The following SLC2A9 variants were observed in gnomAD, a reference collection of about 807,000 sequenced individuals.
SLC2A9 encodes the protein solute carrier family 2 member 9.
A neutral mutation model predicts 50.6 loss-of-function variants in SLC2A9; 39 were observed. The observed-to-expected ratio is 0.77, with a 90% CI of 0.60 to 1.01. SLC2A9 has a LOEUF of 1.01. Ranked by LOEUF, SLC2A9 falls within the 50% of genes least tolerant of loss-of-function variation. SLC2A9 has a pLI of 0.00. For missense variants in SLC2A9, 686 were observed against 677.6 expected (o/e 1.01, Z -0.14); for synonymous variants, 324 against 276.9 (o/e 1.17, Z -1.69).
intron 10 of SLC2A9, among the ~76,000 whole-genome samples, chr4:9,874,397 CAT>C (rs1356726213): frequency 6.6e-6 from 1 of 152,188 alleles, no homozygotes; most frequent in Non-Finnish European, 1.5e-5. Flanking sequence ...TGCAGATGCA[CAT>C]GTGTACCCCC....
chr4:9,963,318 T>A (rs2108948207), intron 5 of SLC2A9, among the ~76,000 whole-genome samples: 1 of 152,308 alleles, frequency 6.6e-6, no homozygotes, highest in East Asian at 1.9e-4. Flanking sequence ...AAGGTGAGAT[T>A]TGGGTAGGGA....
At chr4:10,019,746 G>A (rs1235784424) in intron 1 of SLC2A9, among the ~76,000 whole-genome samples, 1 of 152,258 alleles carries the variant, frequency 6.6e-6, no homozygotes, top group East Asian at 1.9e-4. Flanking sequence ...AACTACAGGG[G>A]CTGGTCCAAG....
At chr4:9,980,885 G>T in intron 4 of SLC2A9, 148 bp from the exon 5 acceptor site, 1 of 1,020,256 alleles carries the variant, frequency 9.8e-7, no homozygotes, top group Non-Finnish European at 1.5e-6. Flanking sequence ...AGCACAAATT[G>T]CCAAAGCTTT....
chr4:9,945,787 A>C (rs2108802707), intron 5 of SLC2A9, among the ~76,000 whole-genome samples: 1 of 152,324 alleles, frequency 6.6e-6, no homozygotes, highest in South Asian at 2.1e-4. Context: ...CTGAGGCCTC[A>C]GTGTTTTACA....
chr4:9,771,417 C>A, intron 1 of SLC2A9: 1 of 398,582 alleles, frequency 2.5e-6, no homozygotes, highest in Non-Finnish European at 4.4e-6. Flanking sequence ...TTAGGTGCTC[C>A]TGACAAGGAG....
At chr4:9,860,189 CCT>C (rs1731389308) in intron 10 of SLC2A9, among the ~76,000 whole-genome samples, 1 of 152,214 alleles carries the variant, frequency 6.6e-6, no homozygotes, top group Non-Finnish European at 1.5e-5. Context: ...CTCCTCCCTC[CCT>C]GTCTGCCTGA....
chr4:9,984,198 C>T (rs1014065710), intron 4 of SLC2A9, among the ~76,000 whole-genome samples: 43 of 152,096 alleles, frequency 2.8e-4, no homozygotes, highest in African/African-American at 1.0e-3. Flanking sequence ...TAGATTATTC[C>T]CCTCCAGCAG....
intron 10 of SLC2A9, among the ~76,000 whole-genome samples, chr4:9,865,298 A>C (rs1560209176): frequency 6.6e-6 from 1 of 152,194 alleles, no homozygotes; most frequent in Non-Finnish European, 1.5e-5. Flanking sequence ...CCAACAACAA[A>C]ATACTTTCCA....
At chr4:9,872,858 G>A (rs1217656728) in intron 10 of SLC2A9, among the ~76,000 whole-genome samples, 1 of 152,200 alleles carries the variant, frequency 6.6e-6, no homozygotes, top group East Asian at 1.9e-4. Context: ...AAAGAGATAA[G>A]GTAAATCCAG....
At chr4:10,026,017 GAAAA>G, upstream of SLC2A9, 1 of 1,589,180 alleles carries the variant, frequency 6.3e-7, no homozygotes, top group South Asian at 1.1e-5. Context: ...CTGAGAAAGA[GAAAA>G]AGAAAGAAGC....
At chr4:9,876,590 C>T (rs945461029) in intron 10 of SLC2A9, among the ~76,000 whole-genome samples, 1 of 149,954 alleles carries the variant, frequency 6.7e-6, no homozygotes, top group Non-Finnish European at 1.5e-5. Context: ...GACCCTATCT[C>T]TAAAACAAAC....
chr4:9,879,269 A>T (rs1734805373), intron 10 of SLC2A9: 3 of 985,282 alleles, frequency 3.0e-6, no homozygotes, highest in African/African-American at 3.5e-5. Context: ...CTTTTTGAAG[A>T]TGAGAAGCCA....
At chr4:10,034,729 T>A (rs755284539) in intron 1 of SLC2A9, 11 of 152,222 alleles carry the variant, frequency 7.2e-5, no homozygotes, top group Admixed American at 2.0e-4. Flanking sequence ...AAACAGTAGG[T>A]ACACAGCTCC....
At chr4:9,860,499 G>C (rs974118229) in intron 10 of SLC2A9, among the ~76,000 whole-genome samples, 1 of 152,218 alleles carries the variant, frequency 6.6e-6, no homozygotes. Context: ...GTAAACAAAC[G>C]AACAGGTGAA....
chr4:9,883,814 C>G (rs951713444), intron 10 of SLC2A9, among the ~76,000 whole-genome samples: 32 of 152,222 alleles, frequency 2.1e-4, no homozygotes, highest in Admixed American at 7.9e-4. Context: ...TACGTCCTGA[C>G]AACCTTCTAG....
At chr4:10,004,107 A>C (rs936501348) in intron 2 of SLC2A9, among the ~76,000 whole-genome samples, 1 of 152,228 alleles carries the variant, frequency 6.6e-6, no homozygotes, top group African/African-American at 2.4e-5. Context: ...AAAGATGATG[A>C]TATCAATACC....
chr4:9,912,320 T>C (rs1408675294), intron 7 of SLC2A9, among the ~76,000 whole-genome samples: 1 of 152,034 alleles, frequency 6.6e-6, no homozygotes, highest in East Asian at 1.9e-4. Flanking sequence ...AAGAAGAGCA[T>C]CTGACAGTGG....
intron 11 of SLC2A9, among the ~76,000 whole-genome samples, chr4:9,834,204 C>T (rs568337993): frequency 8.2e-4 from 125 of 152,300 alleles, no homozygotes; most frequent in Admixed American, 1.9e-3. Context: ...GAGCCCTTCA[C>T]GATTGCCCCA....
At chr4:9,871,052 G>A (rs1240399072) in intron 10 of SLC2A9, among the ~76,000 whole-genome samples, 1 of 152,140 alleles carries the variant, frequency 6.6e-6, no homozygotes, top group African/African-American at 2.4e-5. Context: ...AAAGCATTAG[G>A]ATTATAAGTG....
Sources: gnomAD v4.1 joint callset for allele counts (sites outside exome capture counted in the v4.1 genomes callset) on GRCh38, gnomAD v4.1.1 for gene constraint, MANE v1.5 for transcripts, NCBI Gene and HGNC (gene_info 2026-07-23, HGNC 2026-07-21) for gene names.